The following SLC48A1 variants were observed in gnomAD, a reference collection of about 807,000 sequenced individuals.
SLC48A1 encodes the protein solute carrier family 48 member 1, also known as heme transporter HRG1.
Under a neutral mutation model 14.8 loss-of-function variants are expected in SLC48A1, and 6 were observed. That is an observed-to-expected ratio of 0.41 (90% CI 0.22 to 0.80). The LOEUF is 0.80. Ranked by LOEUF, SLC48A1 falls within the 30% of genes least tolerant of loss-of-function variation. SLC48A1 has a pLI of 0.34. For synonymous variants in SLC48A1, 89 were observed against 90.0 expected (o/e 0.99, Z 0.06); for missense variants, 165 against 204.8 (o/e 0.81, Z 1.19).
chr12:47,779,459 C>A (rs1370143353), intron 2 of SLC48A1, among the ~76,000 whole-genome samples: 1 of 152,188 alleles, frequency 6.6e-6, no homozygotes, highest in African/African-American at 2.4e-5. Context: ...TTAGTCTGTG[C>A]TCAGCTCTGG....
intron 2 of SLC48A1, among the ~76,000 whole-genome samples, chr12:47,765,967 A>G (rs1373986837): frequency 1.3e-5 from 2 of 151,930 alleles, no homozygotes; most frequent in East Asian, 3.9e-4. Flanking sequence ...CTGTCCACCC[A>G]GTTCTTGACC....
chr12:47,779,239 G>C, intron 2 of SLC48A1, 44 bp downstream of exon 2: 1 of 1,524,244 alleles, frequency 6.6e-7, no homozygotes, highest in Non-Finnish European at 8.8e-7. Flanking sequence ...AGGGACAGCA[G>C]CGGGGATTTT....
rs146261285 is a variant in SLC48A1, at chr12:47,764,158, A to ATG, written c.-187+3773_-187+3774dup. ...AAGGAGAGAGAGAGCATGTGTGTGT[A>ATG]TGTGTGTGTGTGTGTGTCTTGTGTG... On this transcript the variant is annotated intron_variant, in intron 2 of 4. Transcript: ENST00000547002. Among the ~76,000 whole-genome samples the ATG allele has an allele frequency of 8.2e-3, 1,239 of 151,380 alleles. 11 individuals carry two copies. Among genetic ancestry groups the ATG allele is most frequent in the African/African-American group, 0.019 (784 of 41,274 alleles).
At chr12:47,778,350 AGGCCACTCAGGGGTTGGGT>A (rs904462072) in intron 1 of SLC48A1, 4 of 152,284 alleles carry the variant, frequency 2.6e-5, no homozygotes, top group African/African-American at 4.8e-5. Flanking sequence ...AAGAACAATA[AGGCCACTCAGGGGTTGGGT>A]GGCCCTGGAG....
upstream of SLC48A1, chr12:47,773,213 G>GGCGGCTCCC (rs1488707553): frequency 3.1e-5 from 33 of 1,066,642 alleles, no homozygotes; most frequent in East Asian, 2.5e-4. Flanking sequence ...CGGCTGCTCT[G>GGCGGCTCCC]GCGGCTCCCG....
At chr12:47,758,037 A>G, upstream of SLC48A1, 1 of 1,576,356 alleles carries the variant, frequency 6.3e-7, no homozygotes, top group Non-Finnish European at 8.6e-7. Flanking sequence ...TATCCTCCAC[A>G]GCCAGGCCCA....
upstream of SLC48A1, chr12:47,768,564 G>A (rs1942565045): frequency 6.6e-6 from 1 of 152,208 alleles, no homozygotes. Context: ...GACATCAGAG[G>A]TCTCTCTGCA....
chr12:47,763,457 C>T (rs1327409597), intron 2 of SLC48A1, among the ~76,000 whole-genome samples: 1 of 152,136 alleles, frequency 6.6e-6, no homozygotes, highest in East Asian at 1.9e-4. Context: ...CACAATACCC[C>T]TAGGAGTCGA....
intron 2 of SLC48A1, 59 bp from the exon 3 acceptor site, chr12:47,780,086 G>T (rs551890089): frequency 6.8e-7 from 1 of 1,466,434 alleles, no homozygotes; most frequent in African/African-American, 1.4e-5. Flanking sequence ...CCTTGTGGCC[G>T]GTGCAGAGGC....
intron 1 of SLC48A1, among the ~76,000 whole-genome samples, chr12:47,776,568 C>A (rs1027465995): frequency 6.6e-6 from 1 of 152,204 alleles, no homozygotes; most frequent in Non-Finnish European, 1.5e-5. Flanking sequence ...AGGGCGTGGG[C>A]AGCAGGCCTG....
upstream of SLC48A1, among the ~76,000 whole-genome samples, chr12:47,767,247 T>A (rs1379197073): frequency 6.6e-6 from 1 of 152,118 alleles, no homozygotes; most frequent in Non-Finnish European, 1.5e-5. Context: ...GAGAATCCTG[T>A]GGAACTCACT....
chr12:47,773,495 C>G (rs1303527550), intron 1 of SLC48A1, 55 bp downstream of exon 1: 24 of 1,281,208 alleles, frequency 1.9e-5, no homozygotes, highest in Non-Finnish European at 2.0e-6. Context: ...GGGCGGGCGC[C>G]GTCAGCTGCT....
chr12:47,755,259 T>A (rs1003577377), upstream of SLC48A1, among the ~76,000 whole-genome samples: 1 of 152,210 alleles, frequency 6.6e-6, no homozygotes, highest in African/African-American at 2.4e-5. Flanking sequence ...TGTTTTCACA[T>A]CTATAAAATG....
intron 1 of SLC48A1, chr12:47,758,954 G>A: frequency 9.9e-7 from 1 of 1,014,942 alleles, no homozygotes; most frequent in Non-Finnish European, 1.2e-6. Context: ...ACTGGCGGAG[G>A]GGGCGGGGTG....
chr12:47,761,239 T>C (rs1226375338), intron 2 of SLC48A1, among the ~76,000 whole-genome samples: 1 of 150,676 alleles, frequency 6.6e-6, no homozygotes, highest in East Asian at 1.9e-4. Context: ...AATATGTTTG[T>C]GTTGAGGTGT....
chr12:47,758,661 G>T lies in SLC48A1; in HGVS notation c.-373+1G>T. 6.4e-7 allele frequency: 1 copy of T among 1,571,432 alleles called. No homozygotes were observed. Among genetic ancestry groups the T allele is most frequent in the Non-Finnish European group, 8.6e-7 (1 of 1,158,012 alleles). ...AAGGGGATCCGGAGGGTGCCAGTGG[G>T]TAAGTCCAGGTACAGTGAACTGGGC... On this transcript the variant is annotated splice_donor_variant, in intron 1 of 4. Coordinates refer to the SLC48A1 transcript ENST00000547002. LOFTEE classifies it low-confidence loss of function (5UTR_SPLICE).
chr12:47,777,439 G>A lies in SLC48A1; in HGVS notation c.137-1589G>A, dbSNP rs79722572. 0.13 allele frequency among the ~76,000 whole-genome samples: 19,602 copies of A among 152,202 alleles called. 1,602 individuals carry two copies. Among genetic ancestry groups the A allele is most frequent in the Non-Finnish European group, 0.18 (12,470 of 67,980 alleles). ...TTCACCCTCACTAGGGTAGAACCCT[G>A]GGCCCAGTTACCTAAACTGGCAGGA... On this transcript the variant is annotated intron_variant, in intron 1 of 2. Transcript: ENST00000442218. The surrounding 1 kb of genome is among the most constrained non-coding windows in gnomAD (Gnocchi z 4.5).
upstream of SLC48A1, among the ~76,000 whole-genome samples, chr12:47,754,330 G>T (rs919251243): frequency 6.6e-6 from 1 of 152,230 alleles, no homozygotes; most frequent in African/African-American, 2.4e-5. Context: ...GAAACCACTG[G>T]GTTAGACAAA....
Position 47,779,086 on chromosome 12 carries a change from G to A in SLC48A1, c.195G>A (p.Arg65=). Residue 65 remains arginine (R), a synonymous_variant, in exon 2 of 3, where the codon AGG becomes AGA. Coordinates refer to ENST00000442218, the MANE Select transcript of SLC48A1 (RefSeq NM_017842.3). ...TGATGTACATGCAAGATTATTGGAG[G>A]ACCTGGCTCAAGGGGCTGCGCGGCT... ...THVMYMQDYW[R]TWLKGLRGFF... is the part of the protein sequence containing the mutation. The A allele has an allele frequency of 6.4e-7, 1 of 1,551,836 alleles. No homozygotes were observed. Among genetic ancestry groups the A allele is most frequent in the East Asian group, 2.4e-5 (1 of 40,910 alleles).
Sources: gnomAD v4.1 joint callset for allele counts (sites outside exome capture counted in the v4.1 genomes callset) on GRCh38, gnomAD v4.1.1 for gene constraint, Gnocchi (gnomAD v3.1) non-coding constraint, MANE v1.5 for transcripts, NCBI Gene and HGNC (gene_info 2026-07-23, HGNC 2026-07-21) for gene names.